Variants in CDH12 observed in about 807,000 individuals in gnomAD.
CDH12 encodes the protein cadherin-12.
Under a neutral mutation model 74.1 loss-of-function variants are expected in CDH12, and 41 were observed. The observed-to-expected ratio is 0.55, with a 90% CI of 0.43 to 0.72. The LOEUF is 0.72. Ranked by LOEUF, CDH12 falls within the 30% of genes least tolerant of loss-of-function variation. CDH12 has a pLI of 0.00. For synonymous variants in CDH12, 399 were observed against 355.0 expected, an observed-to-expected ratio of 1.12 and a Z score of -1.39; for missense variants, 945 against 977.2, an observed-to-expected ratio of 0.97 and a Z score of 0.44.
chr5:22,707,560 T>C (rs1258227212), intron 1 of CDH12, among the ~76,000 whole-genome samples: 5 of 152,178 alleles, frequency 3.3e-5, no homozygotes, highest in African/African-American at 9.6e-5. Context: ...GCAAACAATA[T>C]AAACAAAACA....
At chr5:22,134,902 A>T (rs1195295068) in intron 4 of CDH12, among the ~76,000 whole-genome samples, 1 of 151,606 alleles carries the variant, frequency 6.6e-6, no homozygotes. Context: ...CACTCCCCCC[A>T]CCAAGCTGCT....
At position 22,667,055 on chromosome 5, in the gene CDH12, A is replaced by C. The variant is rs558317332; in HGVS notation, c.-522-161691T>G. Among the ~76,000 whole-genome samples, 23 of 152,280 alleles carry C rather than the reference A, an allele frequency of 1.5e-4. No individual in the cohort carries two copies. The South Asian group carries it at 4.8e-3, about 32-fold the overall frequency. ...TTCCTATATCAGGATCCTTGCACAC[A>C]TTAGTCCTTCTACACAGAATGTGTA... On this transcript the variant is annotated intron_variant, in intron 1 of 14. Coordinates refer to ENST00000382254, the MANE Select transcript of CDH12 (RefSeq NM_004061.5).
At chr5:22,286,255 A>T (rs1737129858) in intron 3 of CDH12, among the ~76,000 whole-genome samples, 1 of 152,206 alleles carries the variant, frequency 6.6e-6, no homozygotes, top group African/African-American at 2.4e-5. Context: ...CACACAAAGC[A>T]TAAAGAGAAT....
At chr5:22,184,655 A>T (rs1358565100) in intron 4 of CDH12, among the ~76,000 whole-genome samples, 1 of 152,168 alleles carries the variant, frequency 6.6e-6, no homozygotes, top group Non-Finnish European at 1.5e-5. Context: ...TCCTCCTGAG[A>T]ACTACATCTT....
At chr5:21,919,351 A>C (rs1285487475) in intron 6 of CDH12, among the ~76,000 whole-genome samples, 1 of 152,180 alleles carries the variant, frequency 6.6e-6, no homozygotes, top group Non-Finnish European at 1.5e-5. Flanking sequence ...CAAAACTCAA[A>C]GATTCAAATA....
chr5:22,766,135 T>C (rs1466651673), intron 1 of CDH12, among the ~76,000 whole-genome samples: 1 of 151,926 alleles, frequency 6.6e-6, no homozygotes, highest in Non-Finnish European at 1.5e-5. Context: ...TTAGAAAGTA[T>C]GGAGAGCAAT....
chr5:22,354,658 A>G (rs1740488647), intron 3 of CDH12, among the ~76,000 whole-genome samples: 1 of 152,186 alleles, frequency 6.6e-6, no homozygotes, highest in Non-Finnish European at 1.5e-5. Context: ...TCCATGTTCC[A>G]TAGCTCTAAC....
chr5:22,606,944 T>A (rs895880236), intron 1 of CDH12, among the ~76,000 whole-genome samples: 24 of 152,142 alleles, frequency 1.6e-4, no homozygotes, highest in African/African-American at 5.8e-4. Context: ...TGGTCTCAGA[T>A]GGAGATTAGG....
chr5:21,804,643 A>AACACAC lies in CDH12; in HGVS notation c.1003-2229_1003-2224dup, dbSNP rs11281181. Among the ~76,000 whole-genome samples the AACACAC allele has an allele frequency of 5.4e-4, 62 of 115,362 alleles. 2 individuals are homozygous for AACACAC. The highest frequency in any genetic ancestry group is 1.8e-3 in the African/African-American group (58 of 31,400). The allele number at this position is 115,362 out of a possible 152,430, so 75.7% of individuals were successfully genotyped here. ...ATAAAATCATTCTATAGTGAATTAAAACACACACACACACACACACACACA... is the reference window on the plus strand; with the variant it reads ...ATAAAATCATTCTATAGTGAATTAAAACACACACACACACACACACACACACACACA... On this transcript the variant is annotated intron_variant, in intron 9 of 14. Coordinates refer to ENST00000382254, the MANE Select transcript of CDH12 (RefSeq NM_004061.5).
chr5:22,633,874 TCTC>T (rs1408724140), intron 1 of CDH12, among the ~76,000 whole-genome samples: 5 of 152,110 alleles, frequency 3.3e-5, no homozygotes, highest in African/African-American at 1.2e-4. Context: ...AAGATACACA[TCTC>T]CTATTAATTC....
At chr5:21,793,791 T>C (rs986552969) in intron 10 of CDH12, among the ~76,000 whole-genome samples, 6 of 151,662 alleles carry the variant, frequency 4.0e-5, no homozygotes, top group Admixed American at 2.0e-4. Flanking sequence ...CATATTCCCT[T>C]AACTGAATGC....
intron 5 of CDH12, among the ~76,000 whole-genome samples, chr5:22,030,782 A>C (rs1045385158): frequency 6.6e-6 from 1 of 152,184 alleles, no homozygotes; most frequent in Non-Finnish European, 1.5e-5. Flanking sequence ...TGTTTGGTCC[A>C]CTTTGAAAAT....
At chr5:22,265,970 C>A (rs1313893108) in intron 3 of CDH12, among the ~76,000 whole-genome samples, 3 of 151,976 alleles carry the variant, frequency 2.0e-5, no homozygotes, top group Non-Finnish European at 2.9e-5. Context: ...AATAATAGAT[C>A]AGATATTAAC....
At chr5:22,354,790 C>G (rs975236140) in intron 3 of CDH12, among the ~76,000 whole-genome samples, 2 of 152,112 alleles carry the variant, frequency 1.3e-5, no homozygotes, top group African/African-American at 4.8e-5. Context: ...TCTTTTATAT[C>G]CCCATTATAC....
intron 1 of CDH12, among the ~76,000 whole-genome samples, chr5:22,802,213 C>T (rs1748568100): frequency 1.3e-5 from 2 of 150,320 alleles, no homozygotes; most frequent in Admixed American, 6.6e-5. Flanking sequence ...GCTCTGCCTC[C>T]TGGGTTCACG....
intron 8 of CDH12, among the ~76,000 whole-genome samples, chr5:21,831,039 A>C (rs1283615841): frequency 6.9e-6 from 1 of 144,698 alleles, no homozygotes; most frequent in Non-Finnish European, 1.5e-5. Context: ...ACTCTGTCTC[A>C]AAAAAAGAAA....
intron 6 of CDH12, among the ~76,000 whole-genome samples, chr5:21,880,659 C>CTTTCTTTCT (rs1752285760): frequency 2.4e-5 from 3 of 125,740 alleles, no homozygotes; most frequent in African/African-American, 9.0e-5. Context: ...TTCTTTCTTT[C>CTTTCTTTCT]TTTCTTTCTT....
At chr5:22,010,182 T>C (rs1737220279) in intron 5 of CDH12, among the ~76,000 whole-genome samples, 1 of 152,168 alleles carries the variant, frequency 6.6e-6, no homozygotes, top group Non-Finnish European at 1.5e-5. Flanking sequence ...GCTGTGTTAG[T>C]AGTGGCCTAA....
chr5:22,497,469 T>C (rs1257545576), intron 2 of CDH12, among the ~76,000 whole-genome samples: 1 of 152,008 alleles, frequency 6.6e-6, no homozygotes, highest in Admixed American at 6.6e-5. Context: ...TGTTCCCACC[T>C]AGTATCATTG....
Sources: gnomAD v4.1 joint callset for allele counts (sites outside exome capture counted in the v4.1 genomes callset) on GRCh38, gnomAD v4.1.1 for gene constraint, MANE v1.5 for transcripts, NCBI Gene and HGNC (gene_info 2026-07-23, HGNC 2026-07-21) for gene names.